The following CMIP variants were observed in gnomAD, a reference collection of about 807,000 sequenced individuals.
CMIP encodes the protein C-Maf-inducing protein.
Under a neutral mutation model 97.3 loss-of-function variants are expected in CMIP, and 13 were observed. The ratio of observed to expected loss-of-function variants is 0.13; its 90% CI spans 0.09 to 0.21. CMIP has a LOEUF of 0.21. Among genes scored for constraint, CMIP ranks in the 10% least tolerant of loss-of-function variants. The pLI is 1.00. For synonymous variants in CMIP, 538 were observed against 436.3 expected (o/e 1.23, Z -2.91); for missense variants, 847 against 1,024.9 (o/e 0.83, Z 2.37).
At chr16:81,487,873 A>G (rs1033287609) in intron 1 of CMIP, among the ~76,000 whole-genome samples, 1 of 152,170 alleles carries the variant, frequency 6.6e-6, no homozygotes, top group Non-Finnish European at 1.5e-5. Context: ...TCAACAAACA[A>G]AAAGGATGTT....
intron 1 of CMIP, among the ~76,000 whole-genome samples, chr16:81,508,164 T>G (rs769886942): frequency 6.6e-6 from 1 of 152,242 alleles, no homozygotes; most frequent in Non-Finnish European, 1.5e-5. Context: ...TGTGCATTTA[T>G]TTTTGAATAG....
intron 1 of CMIP, among the ~76,000 whole-genome samples, chr16:81,472,670 GA>G: frequency 6.6e-6 from 1 of 152,374 alleles, no homozygotes; most frequent in South Asian, 2.1e-4. Flanking sequence ...TAGGACAGTA[GA>G]GGGGCAGGGT....
intron 1 of CMIP, among the ~76,000 whole-genome samples, chr16:81,513,581 T>C (rs963495536): frequency 6.6e-6 from 1 of 152,178 alleles, no homozygotes; most frequent in African/African-American, 2.4e-5. Context: ...GGATTGTACC[T>C]CCAGCTTGTG....
intron 2 of CMIP, among the ~76,000 whole-genome samples, chr16:81,617,976 T>C (rs2091943074): frequency 1.3e-5 from 2 of 152,186 alleles, no homozygotes; most frequent in Admixed American, 1.3e-4. Context: ...TTGTCTTTGC[T>C]TGGCCGTTCC....
chr16:81,451,333 C>T (rs986011217), intron 1 of CMIP, among the ~76,000 whole-genome samples: 14 of 152,192 alleles, frequency 9.2e-5, no homozygotes, highest in African/African-American at 2.9e-4. Flanking sequence ...CCATGTAAGA[C>T]GTGCCTTTCA....
chr16:81,631,866 T>C (rs754289935), intron 3 of CMIP: 1 of 152,212 alleles, frequency 6.6e-6, no homozygotes, highest in Non-Finnish European at 1.5e-5. Context: ...TGCCCTGCAG[T>C]TTTGCAAAGT....
At chr16:81,556,212 CGGGT>C (rs2090760957) in intron 1 of CMIP, among the ~76,000 whole-genome samples, 1 of 152,016 alleles carries the variant, frequency 6.6e-6, no homozygotes, top group Admixed American at 6.6e-5. Context: ...TGTTCTAGCC[CGGGT>C]GGGGTGGAAG....
intron 3 of CMIP, among the ~76,000 whole-genome samples, chr16:81,651,618 C>T (rs144541288): frequency 2.7e-4 from 41 of 152,340 alleles, no homozygotes; most frequent in African/African-American, 8.2e-4. Flanking sequence ...GAAACAGTGC[C>T]TTCAACTCAG....
chr16:81,634,786 C>G (rs1482116065), intron 3 of CMIP, among the ~76,000 whole-genome samples: 2 of 152,314 alleles, frequency 1.3e-5, no homozygotes, highest in Admixed American at 1.3e-4. Flanking sequence ...GTGACTCCCA[C>G]CCAGAGGATG....
chr16:81,535,959 G>C (rs140196182), intron 1 of CMIP, among the ~76,000 whole-genome samples: 1 of 152,162 alleles, frequency 6.6e-6, no homozygotes, highest in Non-Finnish European at 1.5e-5. Context: ...CTCCCAGAGA[G>C]AGTCGTGTCA....
chr16:81,617,422 A>T lies in CMIP; in HGVS notation c.427-3454A>T, dbSNP rs540536591. On this transcript the variant is annotated intron_variant, in intron 2 of 20. Coordinates refer to ENST00000537098, the MANE Select transcript of CMIP (RefSeq NM_198390.3). ...GCCCCATCTCCATAGCACTTGCCCA[A>T]GATCCAGAGTCCTGGGCAAGAACCT... is the stretch of plus-strand genomic sequence containing the variant. 29 of 152,488 alleles carry T rather than the reference A, an allele frequency of 1.9e-4. No homozygotes were observed. In the East Asian group the frequency reaches 4.4e-3, roughly 23 times the overall value. 9.4% of individuals were successfully genotyped at this position (152,488 alleles called of 1,614,324 possible). A position where few individuals can be genotyped will look rare whatever the true frequency, so the allele number is the denominator to read the frequency against.
rs373753184 is a variant in CMIP at position 81,448,473 on chromosome 16, T to C, written c.300+2932T>C. ...CACCTGCTGGGTGACACCGGCTAGG[T>C]ACACCTTTTAGTCTGGGGTCCAAGG... On this transcript the variant is annotated intron_variant, in intron 1 of 20. Coordinates refer to ENST00000537098, the MANE Select transcript of CMIP (RefSeq NM_198390.3). 1.6e-4 allele frequency among the ~76,000 whole-genome samples: 24 copies of C among 152,300 alleles called. No individual in the cohort carries two copies. In the East Asian group the frequency reaches 2.7e-3, roughly 17 times the overall value.
chr16:81,558,079 G>A (rs751296339), intron 1 of CMIP, among the ~76,000 whole-genome samples: 8 of 152,278 alleles, frequency 5.3e-5, no homozygotes, highest in African/African-American at 1.7e-4. Flanking sequence ...TTCACTAGGC[G>A]TCATGTTCTT....
chr16:81,615,447 A>G (rs1291140335), intron 2 of CMIP, among the ~76,000 whole-genome samples: 1 of 102,158 alleles, frequency 9.8e-6, no homozygotes, highest in African/African-American at 4.0e-5. Context: ...TTGTAACTGT[A>G]TGGTGTGTGT....
intron 1 of CMIP, among the ~76,000 whole-genome samples, chr16:81,592,947 A>G (rs1156412481): frequency 6.6e-6 from 1 of 152,200 alleles, no homozygotes; most frequent in Non-Finnish European, 1.5e-5. Flanking sequence ...ACCTGTTCCA[A>G]TGGCAAAGGT....
intron 1 of CMIP, among the ~76,000 whole-genome samples, chr16:81,558,311 G>A (rs571142646): frequency 1.3e-4 from 20 of 152,254 alleles, no homozygotes; most frequent in African/African-American, 3.4e-4. Flanking sequence ...CCTCTCGGCC[G>A]TTACAGATAG....
rs561561543 is a variant in CMIP at position 81,645,724 on chromosome 16, C to G, written c.478-6479C>G. Reference sequence around the variant, plus strand: ...GCCGCTGGCTGGTGGGGCTTGGGCTCGGATGTGGGGAGCCCTCCTGAGTTC... The same window carrying G: ...GCCGCTGGCTGGTGGGGCTTGGGCTGGGATGTGGGGAGCCCTCCTGAGTTC... On this transcript the variant is annotated intron_variant, in intron 3 of 20. Coordinates refer to ENST00000537098, the MANE Select transcript of CMIP (RefSeq NM_198390.3). 5 of 1,141,804 alleles carry G rather than the reference C, an allele frequency of 4.4e-6. No individual in the cohort carries two copies. In the African/African-American group the frequency reaches 7.7e-5, roughly 18 times the overall value. 70.7% of individuals were successfully genotyped at this position (1,141,804 alleles called of 1,614,324 possible). A position where few individuals can be genotyped will look rare whatever the true frequency, so the allele number is the denominator to read the frequency against.
intron 1 of CMIP, among the ~76,000 whole-genome samples, chr16:81,564,748 GA>G (rs2090949129): frequency 6.6e-6 from 1 of 152,228 alleles, no homozygotes; most frequent in Admixed American, 6.5e-5. Flanking sequence ...GGGACTAGGG[GA>G]AGAGTCAGCA....
At chr16:81,568,668 A>G (rs890727985) in intron 1 of CMIP, among the ~76,000 whole-genome samples, 3 of 152,218 alleles carry the variant, frequency 2.0e-5, no homozygotes, top group African/African-American at 7.2e-5. Context: ...AGCCTAACAG[A>G]TCAGCAAGAG....
Sources: allele counts gnomAD v4.1 joint callset (sites outside exome capture counted in the v4.1 genomes callset), GRCh38; gene constraint gnomAD v4.1.1; transcripts MANE v1.5; gene names NCBI Gene and HGNC (gene_info 2026-07-23, HGNC 2026-07-21).